Variants in SAMMSON observed in about 807,000 individuals in gnomAD.
SAMMSON encodes long intergenic non-protein coding RNA 1212.
At chr3:70,068,755 C>G (rs920892536) in intron 3 of SAMMSON, 4 of 151,976 alleles carry the variant, frequency 2.6e-5, no homozygotes. Context: ...GAGGATTTCT[C>G]GAGTCACAGT....
intron 4 of SAMMSON, chr3:70,127,194 T>G (rs1576129012): frequency 1.3e-5 from 2 of 152,330 alleles, no homozygotes; most frequent in South Asian, 4.1e-4. Flanking sequence ...TCCCAAATAA[T>G]GATATAAGAT....
intron 6 of SAMMSON, among the ~76,000 whole-genome samples, chr3:70,281,004 T>TA (rs35649680): frequency 2.6e-5 from 4 of 152,284 alleles, no homozygotes; most frequent in Middle Eastern, 3.4e-3. Context: ...AACTTACGTA[T>TA]AAAAAAATGA....
At chr3:70,213,898 A>G (rs115266405) in intron 4 of SAMMSON, among the ~76,000 whole-genome samples, 3 of 152,072 alleles carry the variant, frequency 2.0e-5, no homozygotes, top group African/African-American at 4.8e-5. Flanking sequence ...ATGGCTGAAG[A>G]CAGAACAAAA....
chr3:70,352,118 A>C (rs984247229), intron 7 of SAMMSON, among the ~76,000 whole-genome samples: 36 of 152,020 alleles, frequency 2.4e-4, no homozygotes, highest in African/African-American at 8.5e-4. Context: ...GGCAAAAAAA[A>C]AAAAAAAATG....
At chr3:70,269,359 G>C (rs995250057) in intron 6 of SAMMSON, among the ~76,000 whole-genome samples, 1 of 152,126 alleles carries the variant, frequency 6.6e-6, no homozygotes, top group Non-Finnish European at 1.5e-5. Context: ...ACTGTAACCT[G>C]TCTGGATACA....
intron 7 of SAMMSON, among the ~76,000 whole-genome samples, chr3:70,307,018 G>C (rs988356800): frequency 6.6e-6 from 1 of 152,102 alleles, no homozygotes; most frequent in Non-Finnish European, 1.5e-5. Flanking sequence ...TAGAGAGATA[G>C]AGAGAAAATC....
chr3:70,415,837 G>A (rs1290980996), intron 2 of SAMMSON, among the ~76,000 whole-genome samples: 1 of 152,186 alleles, frequency 6.6e-6, no homozygotes, highest in East Asian at 1.9e-4. Flanking sequence ...TGGACACCGA[G>A]CTACCCTTTA....
intron 2 of SAMMSON, among the ~76,000 whole-genome samples, chr3:70,428,883 A>G (rs753597364): frequency 1.7e-4 from 26 of 152,210 alleles, no homozygotes; most frequent in Non-Finnish European, 1.6e-4. Context: ...TAATTATACA[A>G]TGTCAAAGAC....
chr3:70,340,919 AC>A (rs1347979579), intron 7 of SAMMSON, among the ~76,000 whole-genome samples: 4 of 152,150 alleles, frequency 2.6e-5, no homozygotes, highest in South Asian at 4.2e-4. Flanking sequence ...CATTTGGTGG[AC>A]CCCAACATAG....
At chr3:70,021,542 C>G (rs2067013410) in intron 3 of SAMMSON, among the ~76,000 whole-genome samples, 1 of 152,170 alleles carries the variant, frequency 6.6e-6, no homozygotes, top group African/African-American at 2.4e-5. Context: ...TGTATTTCTA[C>G]TAGGCCTGAT....
intron 4 of SAMMSON, among the ~76,000 whole-genome samples, chr3:70,180,029 C>T (rs1046822548): frequency 2.1e-5 from 3 of 142,302 alleles, no homozygotes; most frequent in Non-Finnish European, 3.1e-5. Flanking sequence ...TGTGTGTGTG[C>T]GCGCACGTGT....
chr3:70,079,427 A>T (rs2067260080), intron 4 of SAMMSON, among the ~76,000 whole-genome samples: 1 of 152,132 alleles, frequency 6.6e-6, no homozygotes, highest in South Asian at 2.1e-4. Flanking sequence ...ATGGACCCTG[A>T]CTTATGATGG....
At chr3:70,377,897 C>T (rs1047880879) in intron 9 of SAMMSON, among the ~76,000 whole-genome samples, 10 of 151,854 alleles carry the variant, frequency 6.6e-5, no homozygotes, top group African/African-American at 2.4e-4. Context: ...TCATTAATAT[C>T]AATGTGATAC....
chr3:70,221,779 G>C (rs1002684401), intron 4 of SAMMSON, among the ~76,000 whole-genome samples: 1 of 152,100 alleles, frequency 6.6e-6, no homozygotes, highest in Non-Finnish European at 1.5e-5. Flanking sequence ...TGATTATATC[G>C]AGCATCATTG....
intron 9 of SAMMSON, among the ~76,000 whole-genome samples, chr3:70,374,983 CATATGAGGCTAA>C (rs1332851962): frequency 6.6e-6 from 1 of 152,064 alleles, no homozygotes; most frequent in Non-Finnish European, 1.5e-5. Flanking sequence ...GAGTCTGATA[CATATGAGGCTAA>C]AAGGGAAACC....
intron 2 of SAMMSON, among the ~76,000 whole-genome samples, chr3:70,411,100 T>C (rs993037355): frequency 5.3e-5 from 8 of 152,310 alleles, no homozygotes; most frequent in East Asian, 1.9e-4. Context: ...AAGACCATCA[T>C]TGATCTACGT....
chr3:70,173,103 A>G (rs894073159), intron 4 of SAMMSON, among the ~76,000 whole-genome samples: 25 of 151,932 alleles, frequency 1.6e-4, no homozygotes. Flanking sequence ...CTTGACCACT[A>G]AAAGCCCACT....
intron 9 of SAMMSON, among the ~76,000 whole-genome samples, chr3:70,385,600 A>G (rs1703115154): frequency 6.6e-6 from 1 of 152,024 alleles, no homozygotes; most frequent in Non-Finnish European, 1.5e-5. Flanking sequence ...ATAGCCCAGG[A>G]CAGTCTGTGA....
intron 4 of SAMMSON, among the ~76,000 whole-genome samples, chr3:70,121,869 T>A (rs2067435242): frequency 6.6e-6 from 1 of 151,906 alleles, no homozygotes. Flanking sequence ...CATTTGAAAG[T>A]GTGGATTCTA....
Sources: allele counts gnomAD v4.1 joint callset (sites outside exome capture counted in the v4.1 genomes callset), GRCh38; gene constraint gnomAD v4.1.1; transcripts MANE v1.5; gene names NCBI Gene and HGNC (gene_info 2026-07-23, HGNC 2026-07-21).